ARHGEF19: variants seen among roughly 807,000 people sequenced by gnomAD.
ARHGEF19 encodes the protein Rho guanine nucleotide exchange factor 19.
A neutral mutation model predicts 87.6 loss-of-function variants in ARHGEF19; 92 were observed. The ratio of observed to expected loss-of-function variants is 1.05; its 90% CI spans 0.89 to 1.25. The LOEUF is 1.25. Among genes scored for constraint, ARHGEF19 ranks in the 50% most tolerant of loss-of-function variants. The pLI, the probability that ARHGEF19 is intolerant of heterozygous loss-of-function variation, is 0.00. For missense variants in ARHGEF19, 1,054 were observed against 1,051.8 expected (o/e 1.00, Z -0.03); for synonymous variants, 438 against 446.2 (o/e 0.98, Z 0.23).
In ARHGEF19 at chr1:16,206,729, C is replaced by A. The variant is rs2081139628; in HGVS notation, c.1137+219G>T. 2.6e-5 allele frequency among the ~76,000 whole-genome samples: 4 copies of A among 152,006 alleles called. No homozygotes were observed. The highest frequency in any genetic ancestry group is 2.0e-4 in the Admixed American group (3 of 15,268). ...CGCTGGCTCCGCCCCCTACCCGCACCCAAGCCCGGCTCCCCTCGCCTCTCG... is the reference window on the plus strand; with the variant it reads ...CGCTGGCTCCGCCCCCTACCCGCACACAAGCCCGGCTCCCCTCGCCTCTCG... On this transcript the variant is annotated intron_variant, in intron 6 of 15. Transcript: ENST00000270747. This position sits in a 1 kb window ranked among gnomAD's most constrained non-coding sequence, Gnocchi z 4.6.
rs746835645 is a variant in ARHGEF19 at position 16,202,578 on chromosome 1, G to C, written c.1908-4C>G. ...GAAAACGGCAAACTTCCCTAGCCTG[G>C]AGGACCGGGGGAGGGGAGGTCAGCC... is the stretch of plus-strand genomic sequence containing the variant. On this transcript the variant is annotated splice_region_variant and splice_polypyrimidine_tract_variant and intron_variant, in intron 12 of 15. Transcript: ENST00000270747. 2 of 1,611,634 alleles carry C rather than the reference G, an allele frequency of 1.2e-6. No homozygotes were observed. Among genetic ancestry groups the C allele is most frequent in the South Asian group, 2.2e-5 (2 of 90,894 alleles).
rs1323537059 is a variant in ARHGEF19, at chr1:16,207,150, C to T, written c.935G>A (p.Arg312His). The T allele has an allele frequency of 2.6e-6, 4 of 1,529,348 alleles. No individual in the cohort carries two copies. The South Asian group carries it at 3.6e-5, about 14-fold the overall frequency. The allele number at this position is 1,529,348 out of a possible 1,614,324, so 94.7% of individuals were successfully genotyped here. A position where few individuals can be genotyped will look rare whatever the true frequency, so the allele number is the denominator to read the frequency against. The change falls in exon 6 of 16, where the codon CGC becomes CAC. Residue 312 changes from arginine (R) to histidine (H), a missense_variant. Physicochemically the swap from Arg to His is conservative, Grantham distance 29. Transcript: ENST00000270747. This position sits in a 1 kb window ranked among gnomAD's most constrained non-coding sequence, Gnocchi z 4.0. ...CTCGTCCCCCGGGCCCTCCTCCTCG[C>T]GCTGCTGCCGCCGCAGTTCGCGGGC... ...ASARELRRQQREEEGPGDEAE... is the reference protein window; with the variant it reads ...ASARELRRQQHEEEGPGDEAE...
intron 1 of ARHGEF19, among the ~76,000 whole-genome samples, chr1:16,209,997 GC>G (rs1325929808): frequency 2.6e-5 from 4 of 152,260 alleles, no homozygotes; most frequent in Non-Finnish European, 5.9e-5. Context: ...GGTGGGCCAG[GC>G]TGGATGGGTC....
chr1:16,207,405 C>T lies in ARHGEF19; in HGVS notation c.874+117G>A, dbSNP rs948612060. On this transcript the variant is annotated intron_variant, in intron 5 of 15. Coordinates refer to ENST00000270747, the MANE Select transcript of ARHGEF19 (RefSeq NM_153213.5). The surrounding 1 kb of genome is among the most constrained non-coding windows in gnomAD (Gnocchi z 4.0). ...ACTGAGTGCTAGATACCGACAGTTCCATTCTCCGTTTCTCACTCGATCCCT... is the reference window on the plus strand; with the variant it reads ...ACTGAGTGCTAGATACCGACAGTTCTATTCTCCGTTTCTCACTCGATCCCT... 107 of 1,405,710 alleles carry T rather than the reference C, an allele frequency of 7.6e-5. 1 individual carries two copies. The highest frequency in any genetic ancestry group is 9.7e-5 in the Non-Finnish European group (100 of 1,031,170). The allele number at this position is 1,405,710 out of a possible 1,614,324, so 87.1% of individuals were successfully genotyped here. A position where few individuals can be genotyped will look rare whatever the true frequency, so the allele number is the denominator to read the frequency against.
intron 12 of ARHGEF19, among the ~76,000 whole-genome samples, chr1:16,203,272 T>C (rs376801581): frequency 6.6e-6 from 1 of 152,140 alleles, no homozygotes; most frequent in East Asian, 1.9e-4. Context: ...CAGATCCCCT[T>C]TACTGTTCTC....
intron 1 of ARHGEF19, among the ~76,000 whole-genome samples, chr1:16,211,340 G>T (rs182519724): frequency 6.6e-6 from 1 of 152,170 alleles, no homozygotes; most frequent in African/African-American, 2.4e-5. Flanking sequence ...TGCTTCTGGG[G>T]GCACACATGT....
At chr1:16,202,761 C>T (rs999757380) in intron 12 of ARHGEF19, among the ~76,000 whole-genome samples, 187 bp from the exon 13 acceptor site, 3 of 152,248 alleles carry the variant, frequency 2.0e-5, no homozygotes, top group Admixed American at 6.5e-5. Context: ...GCTCCTTCCC[C>T]GCTGGCTTGC....
rs145849336 is a variant in ARHGEF19, at chr1:16,198,242, G to A, written c.*345C>T. 8.2e-3 allele frequency: 1,626 copies of A among 197,334 alleles called. 33 individuals carry two copies. Among genetic ancestry groups the A allele is most frequent in the African/African-American group, 0.034 (1,477 of 43,364 alleles). The allele number at this position is 197,334 out of a possible 1,614,324, so 12.2% of individuals were successfully genotyped here. On this transcript the variant is annotated 3_prime_UTR_variant, in exon 16 of 16. Coordinates refer to ENST00000270747, the MANE Select transcript of ARHGEF19 (RefSeq NM_153213.5). This position sits in a 1 kb window ranked among gnomAD's most constrained non-coding sequence, Gnocchi z 4.1. ...GTCCCAGCACCATCAGCACCAGAACGTTCCCCAGCCAGGTCCCTGCCAGAA... is the reference window on the plus strand; with the variant it reads ...GTCCCAGCACCATCAGCACCAGAACATTCCCCAGCCAGGTCCCTGCCAGAA...
In ARHGEF19 at chr1:16,207,313, G is replaced by T; in HGVS notation, c.875-103C>A. The T allele has an allele frequency of 7.0e-7, 1 of 1,426,360 alleles. No individual in the cohort carries two copies. Among genetic ancestry groups the T allele is most frequent in the South Asian group, 1.5e-5 (1 of 68,596 alleles). 88.4% of individuals were successfully genotyped at this position (1,426,360 alleles called of 1,614,324 possible). A position where few individuals can be genotyped will look rare whatever the true frequency, so the allele number is the denominator to read the frequency against. On this transcript the variant is annotated intron_variant, in intron 5 of 15. Coordinates refer to ENST00000270747, the MANE Select transcript of ARHGEF19 (RefSeq NM_153213.5). This position sits in a 1 kb window ranked among gnomAD's most constrained non-coding sequence, Gnocchi z 4.0. ...CCCGCGTCACTTAACCTTTGCCGCG[G>T]TTCGGATATCTGGACACAGTGAATT... is the stretch of plus-strand genomic sequence containing the variant.
In ARHGEF19 at chr1:16,205,858, C is replaced by T; in HGVS notation, c.1451+73G>A. The T allele has an allele frequency of 2.0e-6, 3 of 1,534,980 alleles. No homozygotes were observed. In the South Asian group the frequency reaches 3.6e-5, roughly 19 times the overall value. On this transcript the variant is annotated intron_variant, in intron 8 of 15. Coordinates refer to ENST00000270747, the MANE Select transcript of ARHGEF19 (RefSeq NM_153213.5). This position sits in a 1 kb window ranked among gnomAD's most constrained non-coding sequence, Gnocchi z 5.8. ...CCCCTCCCAGAGTCACCTTACGTCA[C>T]CCAGCCCTCAGTGCCTACACCTGCC... is the stretch of plus-strand genomic sequence containing the variant.
In ARHGEF19 at chr1:16,207,220, A is replaced by G; in HGVS notation, c.875-10T>C. On this transcript the variant is annotated splice_polypyrimidine_tract_variant and intron_variant, in intron 5 of 15. Transcript: ENST00000270747. The surrounding 1 kb of genome is among the most constrained non-coding windows in gnomAD (Gnocchi z 4.0). ...TCCTGATAGAGGACGGCTGGGGGAA[A>G]GACGGGCGGGGGAGAGCGTGGGGCG... The G allele has an allele frequency of 6.6e-7, 1 of 1,506,758 alleles. No homozygotes were observed. Among genetic ancestry groups the G allele is most frequent in the South Asian group, 1.3e-5 (1 of 78,322 alleles). The allele number at this position is 1,506,758 out of a possible 1,614,324, so 93.3% of individuals were successfully genotyped here.
rs2081062004 is a variant in ARHGEF19, at chr1:16,198,954, G to A, written c.2251+196C>T. Among the ~76,000 whole-genome samples, 1 of 152,056 alleles carries A rather than the reference G, an allele frequency of 6.6e-6. No homozygotes were observed. The highest frequency in any genetic ancestry group is 6.5e-5 in the Admixed American group (1 of 15,280). On this transcript the variant is annotated intron_variant, in intron 15 of 15. Transcript: ENST00000270747. This position sits in a 1 kb window ranked among gnomAD's most constrained non-coding sequence, Gnocchi z 4.1. ...GTTTTTCCTGATATCCTCTGAAAGGGTATTTCCCACTCTCCCCCATCACTC... is the reference window on the plus strand; with the variant it reads ...GTTTTTCCTGATATCCTCTGAAAGGATATTTCCCACTCTCCCCCATCACTC...
At position 16,204,811 on chromosome 1, in the gene ARHGEF19, C is replaced by T; in HGVS notation, c.1855G>A (p.Ala619Thr). 1 of 1,612,846 alleles carries T rather than the reference C, an allele frequency of 6.2e-7. No homozygotes were observed. Among genetic ancestry groups the T allele is most frequent in the South Asian group, 1.1e-5 (1 of 90,720 alleles). The change falls in exon 12 of 16, where the codon GCA (alanine) becomes ACA (threonine). Residue 619 changes from alanine (A) to threonine (T), a missense_variant. Physicochemically the swap from Ala to Thr is moderately conservative, Grantham distance 58. Coordinates refer to ENST00000270747, the MANE Select transcript of ARHGEF19 (RefSeq NM_153213.5). ...PPAKLKLSSK[A>T]VYLHLFNDCL... ...TCATTGAAGAGGTGGAGGTAGACTG[C>T]CTTGCTGGACAGCTTCAGCTTGGCA...
rs140737590 is a variant in ARHGEF19, at chr1:16,198,316, G to A, written c.*271C>T. The A allele has an allele frequency of 2.1e-5, 7 of 332,300 alleles. No individual in the cohort carries two copies. Among genetic ancestry groups the A allele is most frequent in the African/African-American group, 1.5e-4 (7 of 47,608 alleles). The allele number at this position is 332,300 out of a possible 1,614,324, so 20.6% of individuals were successfully genotyped here. ...AGGACATAGAAAGGAGAGGGCCCCA[G>A]TCTTTGCCAGGTATCAGTGATCACC... is the stretch of plus-strand genomic sequence containing the variant. On this transcript the variant is annotated 3_prime_UTR_variant, in exon 16 of 16. Coordinates refer to ENST00000270747, the MANE Select transcript of ARHGEF19 (RefSeq NM_153213.5). This position sits in a 1 kb window ranked among gnomAD's most constrained non-coding sequence, Gnocchi z 4.1.
At position 16,208,907 on chromosome 1, in the gene ARHGEF19, G is replaced by A. The variant is rs2081172140; in HGVS notation, c.148C>T (p.Leu50Phe). ...LKPPSPVCLD[L>F]FPVAPEELRA... Reference sequence around the variant, plus strand: ...AGCTCCTCTGGGGCAACAGGGAAAAGGTCCAGACACACTGGGCTCGGGGGC... The same window carrying A: ...AGCTCCTCTGGGGCAACAGGGAAAAAGTCCAGACACACTGGGCTCGGGGGC... Residue 50 changes from leucine (L) to phenylalanine (F), a missense_variant, in exon 2 of 16, where the codon CTT (leucine) becomes TTT (phenylalanine). Coordinates refer to ENST00000270747, the MANE Select transcript of ARHGEF19 (RefSeq NM_153213.5). The A allele has an allele frequency of 1.3e-6, 2 of 1,596,490 alleles. No individual in the cohort carries two copies. Among genetic ancestry groups the A allele is most frequent in the Admixed American group, 1.8e-5 (1 of 54,266 alleles).
chr1:16,199,314 G>T, intron 14 of ARHGEF19, 60 bp from the exon 15 acceptor site: 1 of 1,459,756 alleles, frequency 6.9e-7, no homozygotes, highest in South Asian at 1.1e-5. Flanking sequence ...GGAGGAGCAT[G>T]GGTAGGGCAG....
Position 16,207,295 on chromosome 1 carries a change from C to A in ARHGEF19, c.875-85G>T. The A allele has an allele frequency of 6.9e-7, 1 of 1,442,798 alleles. No homozygotes were observed. Among genetic ancestry groups the A allele is most frequent in the South Asian group, 1.4e-5 (1 of 69,526 alleles). 89.4% of individuals were successfully genotyped at this position (1,442,798 alleles called of 1,614,324 possible). A position where few individuals can be genotyped will look rare whatever the true frequency, so the allele number is the denominator to read the frequency against. On this transcript the variant is annotated intron_variant, in intron 5 of 15. Transcript: ENST00000270747. This position sits in a 1 kb window ranked among gnomAD's most constrained non-coding sequence, Gnocchi z 4.0. ...CCTCGGTTCCCTCAAGAGCCCGCGT[C>A]ACTTAACCTTTGCCGCGGTTCGGAT...
chr1:16,206,311 G>A lies in ARHGEF19; in HGVS notation c.1167C>T (p.Ala389=), dbSNP rs773240686. ...EAKFELITSE[A]SYIHSLSVAV... ...CCACCGACAGGCTGTGGATGTAGGA[G>A]GCCTCGGAGGTGATCAGCTCAAACT... The change falls in exon 7 of 16, where the codon GCC becomes GCT. Residue 389 remains alanine (A), a synonymous_variant. Coordinates refer to ENST00000270747, the MANE Select transcript of ARHGEF19 (RefSeq NM_153213.5). This position sits in a 1 kb window ranked among gnomAD's most constrained non-coding sequence, Gnocchi z 4.6. 1.7e-5 allele frequency: 27 copies of A among 1,580,230 alleles called. No homozygotes were observed. The highest frequency in any genetic ancestry group is 2.2e-5 in the Non-Finnish European group (26 of 1,163,618).
At position 16,207,132 on chromosome 1, in the gene ARHGEF19, C is replaced by CCCGGGCCCTCCTCCT. The variant is rs2100283731; in HGVS notation, c.938_952dup (p.Glu313_Pro317dup). 1 of 1,526,124 alleles carries CCCGGGCCCTCCTCCT rather than the reference C, an allele frequency of 6.6e-7. No individual in the cohort carries two copies. Among genetic ancestry groups the CCCGGGCCCTCCTCCT allele is most frequent in the East Asian group, 2.6e-5 (1 of 38,110 alleles). The allele number at this position is 1,526,124 out of a possible 1,614,324, so 94.5% of individuals were successfully genotyped here. On this transcript the variant is annotated inframe_insertion, in exon 6 of 16. Coordinates refer to ENST00000270747, the MANE Select transcript of ARHGEF19 (RefSeq NM_153213.5). The surrounding 1 kb of genome is among the most constrained non-coding windows in gnomAD (Gnocchi z 4.0). Reference sequence around the variant, plus strand: ...CTCCTCTGCGCCCTCGGCCTCGTCCCCCGGGCCCTCCTCCTCGCGCTGCTG... The same window carrying CCCGGGCCCTCCTCCT: ...CTCCTCTGCGCCCTCGGCCTCGTCCCCCGGGCCCTCCTCCTCCGGGCCCTCCTCCTCGCGCTGCTG...
Sources: allele counts gnomAD v4.1 joint callset (sites outside exome capture counted in the v4.1 genomes callset), GRCh38; gene constraint gnomAD v4.1.1; non-coding constraint Gnocchi (gnomAD v3.1); transcripts MANE v1.5; gene names NCBI Gene and HGNC (gene_info 2026-07-23, HGNC 2026-07-21).